The following MPST variants were observed in gnomAD, a reference collection of about 807,000 sequenced individuals.
The protein encoded by MPST is mercaptopyruvate sulfurtransferase.
A neutral mutation model predicts 28.5 loss-of-function variants in MPST; 27 were observed. That is an observed-to-expected ratio of 0.95 (90% CI 0.70 to 1.31). The LOEUF is 1.31. Among genes scored for constraint, MPST ranks in the 50% most tolerant of loss-of-function variants. The pLI, the probability that MPST is intolerant of heterozygous loss-of-function variation, is 0.00. For synonymous variants in MPST, 204 were observed against 209.3 expected (o/e 0.97, Z 0.22); for missense variants, 492 against 471.1 (o/e 1.04, Z -0.41).
At chr22:37,024,972 C>A in intron 2 of MPST, 162 bp downstream of exon 2, 1 of 1,503,462 alleles carries the variant, frequency 6.7e-7, no homozygotes, top group Non-Finnish European at 9.0e-7. Flanking sequence ...TCCTTTCCCC[C>A]TTTTCCCTAC....
intron 1 of MPST, among the ~76,000 whole-genome samples, chr22:37,021,956 C>T (rs1923107780): frequency 6.6e-6 from 1 of 152,044 alleles, no homozygotes; most frequent in Non-Finnish European, 1.5e-5. Flanking sequence ...GTGGGGTTTA[C>T]ATTGATTTGG....
At chr22:37,020,054 G>A in intron 1 of MPST, 182 bp downstream of exon 1, 1 of 398,860 alleles carries the variant, frequency 2.5e-6, no homozygotes, top group Non-Finnish European at 4.4e-6. Flanking sequence ...TGCCGGGTGG[G>A]GTCGTGGCGA....
chr22:37,025,512 G>C (rs535475760), intron 2 of MPST: 1 of 194,002 alleles, frequency 5.2e-6, no homozygotes, highest in Non-Finnish European at 1.1e-5. Context: ...CTGTGGGCTG[G>C]ATTTCCTCAG....
chr22:37,019,847 C>G lies in MPST; in HGVS notation c.11C>G (p.Pro4Arg), dbSNP rs773961130. Residue 4 changes from proline to arginine, a missense_variant, in exon 1 of 3, where the codon CCA (proline) becomes CGA (arginine). Physicochemically the swap from Pro to Arg is moderately radical, Grantham distance 103. Coordinates refer to ENST00000429360, the MANE Select transcript of MPST (RefSeq NM_021126.8). MAEPGSRESETRAR... is the reference protein window; with the variant it reads MAERGSRESETRAR... ...CGCGCCGCGGGGGCCATGGCGGAGC[C>G]AGGAAGCCGGGAGTCCGAGACCCGG... 49 of 1,221,156 alleles carry G rather than the reference C, an allele frequency of 4.0e-5. No individual in the cohort carries two copies. The highest frequency in any genetic ancestry group is 4.2e-5 in the Admixed American group (1 of 23,650). 75.6% of individuals were successfully genotyped at this position (1,221,156 alleles called of 1,614,324 possible).
chr22:37,029,625 G>A lies in MPST; in HGVS notation c.*111G>A. On this transcript the variant is annotated 3_prime_UTR_variant, in exon 3 of 3. Coordinates refer to ENST00000429360, the MANE Select transcript of MPST (RefSeq NM_021126.8). ...GAGTGTTTCTTCACTCAACTCAGGT[G>A]GCATTTGGGGTGACATCTCAAAGGC... 8.6e-7 allele frequency: 1 copy of A among 1,161,146 alleles called. No homozygotes were observed. The highest frequency in any genetic ancestry group is 2.6e-5 in the East Asian group (1 of 38,622). 71.9% of individuals were successfully genotyped at this position (1,161,146 alleles called of 1,614,324 possible).
chr22:37,028,457 G>A (rs1213796388), intron 2 of MPST: 1 of 152,004 alleles, frequency 6.6e-6, no homozygotes, highest in African/African-American at 2.4e-5. Flanking sequence ...TTGAACCCAG[G>A]AGGTGGAGGT....
In MPST at chr22:37,024,589, T is replaced by C. The variant is rs1474257216; in HGVS notation, c.434T>C (p.Val145Ala). Residue 145 changes from valine to alanine, a missense_variant, in exon 2 of 3, where the codon GTG becomes GCG. Transcript: ENST00000429360. ...TTCCGCGCCTTCGGCCACCACGCCG[T>C]GTCACTGCTTGATGGCGGCCTCCGC... ...WMFRAFGHHA[V>A]SLLDGGLRHW... 1 of 1,593,308 alleles carries C rather than the reference T, an allele frequency of 6.3e-7. No homozygotes were observed. Among genetic ancestry groups the C allele is most frequent in the East Asian group, 2.2e-5 (1 of 44,490 alleles).
At position 37,024,549 on chromosome 22, in the gene MPST, C is replaced by A; in HGVS notation, c.394C>A (p.Arg132Ser). The change falls in exon 2 of 3, where the codon CGC (arginine) becomes AGC (serine). Residue 132 changes from arginine to serine, a missense_variant. Coordinates refer to ENST00000429360, the MANE Select transcript of MPST (RefSeq NM_021126.8). ...CGACCAGGGCCTCTACTCCGCCCCG[C>A]GCGTCTGGTGGATGTTCCGCGCCTT... ...ASDQGLYSAP[R>S]VWWMFRAFGH... is the part of the protein sequence containing the mutation. 1 of 1,574,854 alleles carries A rather than the reference C, an allele frequency of 6.3e-7. No individual in the cohort carries two copies. The highest frequency in any genetic ancestry group is 1.8e-5 in the Admixed American group (1 of 56,528).
intron 1 of MPST, among the ~76,000 whole-genome samples, chr22:37,021,476 T>TATG (rs1293332640): frequency 6.6e-6 from 1 of 151,996 alleles, no homozygotes; most frequent in Non-Finnish European, 1.5e-5. Context: ...ATATTATTAT[T>TATG]ATTATTATTA....
At chr22:37,025,159 C>G in intron 2 of MPST, 1 of 1,337,526 alleles carries the variant, frequency 7.5e-7, no homozygotes, top group Non-Finnish European at 9.8e-7. Context: ...CCACTTGCCT[C>G]GGTGACTTTG....
At chr22:37,029,036 G>T (rs1251155983) in intron 2 of MPST, 180 bp from the exon 3 acceptor site, 2 of 621,286 alleles carry the variant, frequency 3.2e-6, no homozygotes, top group African/African-American at 3.7e-5. Flanking sequence ...TGTATAAAAT[G>T]GGGGCTCCTC....
At chr22:37,021,031 T>C (rs1369474156) in intron 1 of MPST, among the ~76,000 whole-genome samples, 1 of 150,050 alleles carries the variant, frequency 6.7e-6, no homozygotes, top group Non-Finnish European at 1.5e-5. Context: ...TGTCTGGTGG[T>C]TGGGGGAGGG....
chr22:37,029,453 A>G lies in MPST; in HGVS notation c.893A>G (p.Glu298Gly). 1 of 1,613,484 alleles carries G rather than the reference A, an allele frequency of 6.2e-7. No individual in the cohort carries two copies. Among genetic ancestry groups the G allele is most frequent in the Non-Finnish European group, 8.5e-7 (1 of 1,179,968 alleles). Residue 298 changes from glutamate (E) to glycine (G), a missense_variant, in exon 3 of 3, where the codon GAG becomes GGG. Glu to Gly is a moderately conservative substitution (Grantham distance 98). Coordinates refer to ENST00000429360, the MANE Select transcript of MPST (RefSeq NM_021126.8). ...CCCATCTACGATGGCTCCTGGGTGG[A>G]GTGGTACATGCGCGCCCGGCCCGAG... ...DVPIYDGSWV[E>G]WYMRARPEDV... is the part of the protein sequence containing the mutation.
intron 2 of MPST, chr22:37,025,848 G>C (rs1923486787): frequency 6.6e-6 from 1 of 152,282 alleles, no homozygotes; most frequent in Non-Finnish European, 1.5e-5. Flanking sequence ...TGGGTTTGGA[G>C]CCGCTTGGGC....
intron 1 of MPST, chr22:37,023,954 G>C: frequency 2.0e-6 from 3 of 1,516,090 alleles, no homozygotes; most frequent in South Asian, 2.4e-5. Flanking sequence ...GGGGCTCTCC[G>C]GGAGGTCATG....
In MPST at chr22:37,024,753, G is replaced by A. The variant is rs747431639; in HGVS notation, c.598G>A (p.Val200Met). The A allele has an allele frequency of 2.0e-5, 32 of 1,601,718 alleles. 1 individual carries two copies. The South Asian group carries it at 3.1e-4, about 15-fold the overall frequency. The change falls in exon 2 of 3, where the codon GTG becomes ATG. Residue 200 changes from valine to methionine, a missense_variant. By Grantham distance (21) the Val-to-Met change is conservative (BLOSUM62 1). Transcript: ENST00000429360. ...GAACCTGGAATCCCGGCGCTTCCAG[G>A]TGGTGGACTCCCGAGCCACTGGCAG... ...KENLESRRFQ[V>M]VDSRATGRFR...
Position 37,024,730 on chromosome 22 carries a change from A to G in MPST, c.575A>G (p.Asn192Ser). The change falls in exon 2 of 3, where the codon AAC becomes AGC. Residue 192 changes from asparagine to serine, a missense_variant. Asn to Ser is a conservative substitution (Grantham distance 46). Transcript: ENST00000429360. ...AAGACCTACGAGGACATCAAGGAGA[A>G]CCTGGAATCCCGGCGCTTCCAGGTG... is the stretch of plus-strand genomic sequence containing the variant. ...FIKTYEDIKE[N>S]LESRRFQVVD... The G allele has an allele frequency of 6.2e-7, 1 of 1,600,674 alleles. No individual in the cohort carries two copies.
At position 37,024,669 on chromosome 22, in the gene MPST, G is replaced by T; in HGVS notation, c.514G>T (p.Ala172Ser). Residue 172 changes from alanine to serine, a missense_variant, in exon 2 of 3, where the codon GCC (alanine) becomes TCC (serine). Physicochemically the swap from Ala to Ser is moderately conservative, Grantham distance 99 (BLOSUM62 1). Transcript: ENST00000429360. ...LSSGKSQPAP[A>S]EFRAQLDPAF... is the part of the protein sequence containing the mutation. ...CTCCGGCAAGAGCCAACCTGCTCCC[G>T]CCGAGTTCCGCGCTCAGCTCGACCC... is the stretch of plus-strand genomic sequence containing the variant. 1 of 1,598,912 alleles carries T rather than the reference G, an allele frequency of 6.3e-7. No individual in the cohort carries two copies. Among genetic ancestry groups the T allele is most frequent in the Non-Finnish European group, 8.5e-7 (1 of 1,179,568 alleles).
rs758421538 is a variant in MPST at position 37,029,306 on chromosome 22, T to C, written c.746T>C (p.Ile249Thr). Residue 249 changes from isoleucine (I) to threonine (T), a missense_variant, in exon 3 of 3, where the codon ATC becomes ACC. By Grantham distance (89) the Ile-to-Thr change is moderately conservative. Coordinates refer to ENST00000429360, the MANE Select transcript of MPST (RefSeq NM_021126.8). ...GGGCTGGAGAAGAGCCCTGAGGAGA[T>C]CCGCCATCTGTTCCAGGAGAAGAAA... Reference protein sequence around the residue: ...QEGLEKSPEEIRHLFQEKKVD... With the variant: ...QEGLEKSPEETRHLFQEKKVD... 3 of 1,613,952 alleles carry C rather than the reference T, an allele frequency of 1.9e-6. No homozygotes were observed. The highest frequency in any genetic ancestry group is 2.5e-6 in the Non-Finnish European group (3 of 1,180,008).
Sources: gnomAD v4.1 joint callset for allele counts (sites outside exome capture counted in the v4.1 genomes callset) on GRCh38, gnomAD v4.1.1 for gene constraint, MANE v1.5 for transcripts, NCBI Gene and HGNC (gene_info 2026-07-23, HGNC 2026-07-21) for gene names.